The following CPE variants were observed in gnomAD, a reference collection of about 807,000 sequenced individuals.
The protein encoded by CPE is carbocypeptidase E.
CPE carries 17 observed loss-of-function variants against 53.5 expected under a neutral mutation model. The ratio of observed to expected loss-of-function variants is 0.32; its 90% CI spans 0.22 to 0.48. The LOEUF (loss-of-function observed/expected upper bound fraction) is 0.48, where lower values mean the gene tolerates loss of function less well. Among genes scored for constraint, CPE ranks in the 20% least tolerant of loss-of-function variants. CPE has a pLI of 0.99. For missense variants in CPE, 524 were observed against 614.7 expected, an observed-to-expected ratio of 0.85 and a Z score of 1.56; for synonymous variants, 226 against 228.8, an observed-to-expected ratio of 0.99 and a Z score of 0.11.
At chr4:165,439,674 A>G (rs1305846100) in intron 1 of CPE, among the ~76,000 whole-genome samples, 1 of 152,160 alleles carries the variant, frequency 6.6e-6, no homozygotes, top group Non-Finnish European at 1.5e-5. Context: ...TCTTACAAAA[A>G]ATCCAGAGAG....
At chr4:165,471,821 T>C (rs766855237) in intron 3 of CPE, among the ~76,000 whole-genome samples, 35 of 152,346 alleles carry the variant, frequency 2.3e-4, no homozygotes, top group African/African-American at 7.5e-4. Flanking sequence ...GGGTTTTTAT[T>C]GGCTCTATAA....
intron 1 of CPE, among the ~76,000 whole-genome samples, chr4:165,425,685 A>G (rs1260505413): frequency 6.6e-6 from 1 of 152,102 alleles, no homozygotes; most frequent in Non-Finnish European, 1.5e-5. Flanking sequence ...CTTAATTCCA[A>G]TAGAGTCCTA....
intron 1 of CPE, chr4:165,404,855 GAGA>G (rs778107102): frequency 1.3e-6 from 1 of 764,658 alleles, no homozygotes; most frequent in Non-Finnish European, 2.5e-6. Flanking sequence ...GTCTGCGGGA[GAGA>G]AGTAGTGCCT....
At chr4:165,485,845 G>A (rs1732497201) in intron 5 of CPE, among the ~76,000 whole-genome samples, 1 of 152,188 alleles carries the variant, frequency 6.6e-6, no homozygotes, top group Non-Finnish European at 1.5e-5. Flanking sequence ...CTTAGGTCAG[G>A]TTTTCTAGAA....
intron 4 of CPE, among the ~76,000 whole-genome samples, chr4:165,484,183 A>G (rs1353901892): frequency 3.3e-5 from 5 of 152,254 alleles, no homozygotes; most frequent in African/African-American, 1.2e-4. Flanking sequence ...AAAGCTTTCA[A>G]CTCATAAGTA....
intron 1 of CPE, among the ~76,000 whole-genome samples, chr4:165,390,784 T>A (rs1226146374): frequency 1.3e-5 from 2 of 152,144 alleles, no homozygotes; most frequent in Non-Finnish European, 2.9e-5. Context: ...AACTATGGAG[T>A]GAACATGAGA....
At chr4:165,395,828 CA>C (rs1027457372) in intron 1 of CPE, among the ~76,000 whole-genome samples, 3 of 152,260 alleles carry the variant, frequency 2.0e-5, no homozygotes, top group Non-Finnish European at 4.4e-5. Flanking sequence ...AATAGAATTA[CA>C]AAAAACCCCC....
intron 1 of CPE, among the ~76,000 whole-genome samples, chr4:165,434,900 C>T (rs908251123): frequency 3.3e-5 from 5 of 152,092 alleles, no homozygotes; most frequent in African/African-American, 1.2e-4. Context: ...GCCATCCTTA[C>T]TGTAATGAGT....
intron 2 of CPE, among the ~76,000 whole-genome samples, chr4:165,466,717 C>T (rs1160320235): frequency 6.6e-6 from 1 of 152,146 alleles, no homozygotes. Flanking sequence ...GGGGTTTCAT[C>T]ATGTTGGCCA....
intron 3 of CPE, among the ~76,000 whole-genome samples, chr4:165,479,579 A>C (rs1373860932): frequency 6.6e-6 from 1 of 152,222 alleles, no homozygotes; most frequent in Non-Finnish European, 1.5e-5. Flanking sequence ...AATAGGTTTG[A>C]TGTTATGTAC....
At chr4:165,487,389 T>G in intron 5 of CPE, 49 bp from the exon 6 acceptor site, 3 of 1,608,736 alleles carry the variant, frequency 1.9e-6, no homozygotes, top group Admixed American at 3.3e-5. Flanking sequence ...CTGTGTAGAG[T>G]TTTAGGCTCC....
At chr4:165,445,709 TA>T (rs1731702319) in intron 1 of CPE, among the ~76,000 whole-genome samples, 1 of 152,188 alleles carries the variant, frequency 6.6e-6, no homozygotes, top group Admixed American at 6.5e-5. Context: ...CTTCCAAAAT[TA>T]ATATTTGACT....
intron 4 of CPE, among the ~76,000 whole-genome samples, chr4:165,482,731 G>A (rs1732436429): frequency 6.6e-6 from 1 of 152,138 alleles, no homozygotes; most frequent in South Asian, 2.1e-4. Context: ...GCAGCCTCTT[G>A]GTGCTTGATC....
chr4:165,490,649 A>G (rs996231939), intron 6 of CPE, among the ~76,000 whole-genome samples: 1 of 151,276 alleles, frequency 6.6e-6, no homozygotes. Context: ...AAAAAAAAAA[A>G]AAAAAGAATG....
chr4:165,430,802 G>A (rs780591600), intron 1 of CPE, among the ~76,000 whole-genome samples: 62 of 152,180 alleles, frequency 4.1e-4, no homozygotes, highest in Admixed American at 3.3e-4. Flanking sequence ...AATGATTTAA[G>A]TTAAATGTTT....
intron 1 of CPE, among the ~76,000 whole-genome samples, chr4:165,421,015 T>C (rs74927302): frequency 6.6e-6 from 1 of 152,362 alleles, no homozygotes; most frequent in East Asian, 1.9e-4. Flanking sequence ...ATTAGAGTTG[T>C]AATTTATTTT....
rs1423839350 is a variant in CPE at position 165,484,624 on chromosome 4, T to C, written c.973+20T>C. 4.4e-6 allele frequency: 7 copies of C among 1,606,884 alleles called. No homozygotes were observed. The highest frequency in any genetic ancestry group is 6.0e-6 in the Non-Finnish European group (7 of 1,175,056). ...CTGGAGGTGAGTTTCCATTGTGCTC[T>C]CTGATTATGTGATTGTAGCTTATTT... On this transcript the variant is annotated intron_variant, in intron 5 of 8. Coordinates refer to ENST00000402744, the MANE Select transcript of CPE (RefSeq NM_001873.4).
At chr4:165,405,860 C>T (rs865958694) in intron 1 of CPE, 23 of 741,396 alleles carry the variant, frequency 3.1e-5, no homozygotes, top group Admixed American at 1.7e-4. Flanking sequence ...TCAGGAGCAC[C>T]GAATACTGTT....
chr4:165,462,971 C>T (rs1178038901), intron 1 of CPE, among the ~76,000 whole-genome samples: 1 of 152,160 alleles, frequency 6.6e-6, no homozygotes, highest in Non-Finnish European at 1.5e-5. Flanking sequence ...ATACCAAGAA[C>T]CAGCAGTCTT....
Sources: gnomAD v4.1 joint callset for allele counts (sites outside exome capture counted in the v4.1 genomes callset) on GRCh38, gnomAD v4.1.1 for gene constraint, MANE v1.5 for transcripts, NCBI Gene and HGNC (gene_info 2026-07-23, HGNC 2026-07-21) for gene names.